Variants in FBXO25 observed in about 807,000 individuals in gnomAD.
FBXO25 encodes F-box only protein 25.
Under a neutral mutation model 51.9 loss-of-function variants are expected in FBXO25, and 45 were observed. The ratio of observed to expected loss-of-function variants is 0.87; its 90% confidence interval spans 0.68 to 1.11. The LOEUF (loss-of-function observed/expected upper bound fraction) is 1.11. Among genes scored for constraint, FBXO25 ranks in the 50% most tolerant of loss-of-function variants. The pLI is 0.00. For missense variants in FBXO25, 507 were observed against 428.5 expected, an observed-to-expected ratio of 1.18 and a Z score of -1.62; for synonymous variants, 199 against 151.0, an observed-to-expected ratio of 1.32 and a Z score of -2.33.
chr8:449,382 G>T (rs1038653940), intron 5 of FBXO25, among the ~76,000 whole-genome samples: 1 of 152,234 alleles, frequency 6.6e-6, no homozygotes, highest in African/African-American at 2.4e-5. Flanking sequence ...TACTTCGTGG[G>T]TTCTGTCACA....
intron 6 of FBXO25, 142 bp downstream of exon 6, chr8:450,225 A>T (rs978179139): frequency 1.9e-6 from 1 of 529,476 alleles, no homozygotes. Flanking sequence ...TCAGAAATAC[A>T]GGTCATCCTT....
At chr8:451,619 A>G (rs921542697) in intron 7 of FBXO25, among the ~76,000 whole-genome samples, 166 bp downstream of exon 7, 7 of 152,230 alleles carry the variant, frequency 4.6e-5, no homozygotes, top group Non-Finnish European at 7.3e-5. Flanking sequence ...AAAGACCCCA[A>G]TGGCTTATAG....
chr8:468,295 G>C, intron 9 of FBXO25: 6 of 1,016,190 alleles, frequency 5.9e-6, no homozygotes, highest in Non-Finnish European at 7.1e-6. Flanking sequence ...ATGAATGGCG[G>C]GTGGAGGGAA....
chr8:445,669 A>T (rs13252052), intron 5 of FBXO25, among the ~76,000 whole-genome samples: 1 of 152,206 alleles, frequency 6.6e-6, no homozygotes, highest in Non-Finnish European at 1.5e-5. Flanking sequence ...CCTGGCCAAC[A>T]TGGTGAAACC....
chr8:467,579 G>C, intron 9 of FBXO25: 2 of 837,008 alleles, frequency 2.4e-6, no homozygotes, highest in East Asian at 2.6e-5. Context: ...TTAGTTACCT[G>C]ATGTTTTTAG....
At chr8:466,008 C>T (rs1325382675) in intron 9 of FBXO25, among the ~76,000 whole-genome samples, 1 of 152,142 alleles carries the variant, frequency 6.6e-6, no homozygotes, top group African/African-American at 2.4e-5. Context: ...TCTCTTAGTT[C>T]TGGGAGGTTC....
intron 9 of FBXO25, among the ~76,000 whole-genome samples, chr8:467,259 C>T (rs1270698068): frequency 6.6e-6 from 1 of 152,160 alleles, no homozygotes; most frequent in Non-Finnish European, 1.5e-5. Context: ...GGCTTAAGGG[C>T]ATGTGTGGAA....
intron 2 of FBXO25, among the ~76,000 whole-genome samples, chr8:424,867 A>G (rs550507475): frequency 3.3e-5 from 5 of 152,110 alleles, no homozygotes; most frequent in Non-Finnish European, 5.9e-5. Flanking sequence ...TTCCATATGA[A>G]TTTTAGGATA....
chr8:418,330 G>GTTGTTTTTTTT (rs1796934500), intron 2 of FBXO25, among the ~76,000 whole-genome samples: 1 of 104,612 alleles, frequency 9.6e-6, no homozygotes. Flanking sequence ...TCGTTTGTTT[G>GTTGTTTTTTTT]TTCTTTTTTT....
At chr8:431,101 A>G (rs1797793782) in intron 2 of FBXO25, among the ~76,000 whole-genome samples, 1 of 152,216 alleles carries the variant, frequency 6.6e-6, no homozygotes, top group South Asian at 2.1e-4. Context: ...ACTACCTTGG[A>G]TAAGTATATC....
intron 9 of FBXO25, among the ~76,000 whole-genome samples, chr8:464,368 A>G (rs200070637): frequency 6.6e-6 from 1 of 152,198 alleles, no homozygotes; most frequent in African/African-American, 2.4e-5. Context: ...TGGGGGAAAA[A>G]AAATGTTGAA....
chr8:456,317 C>T (rs1426711449), intron 7 of FBXO25, among the ~76,000 whole-genome samples: 1 of 152,188 alleles, frequency 6.6e-6, no homozygotes, highest in Non-Finnish European at 1.5e-5. Flanking sequence ...TCAGGTGATC[C>T]TCCCACCTCA....
intron 5 of FBXO25, among the ~76,000 whole-genome samples, chr8:447,722 T>C (rs907345642): frequency 7.2e-5 from 11 of 152,188 alleles, no homozygotes; most frequent in Admixed American, 3.3e-4. Context: ...CTTATACATA[T>C]TACCTGAAGG....
intron 1 of FBXO25, among the ~76,000 whole-genome samples, chr8:411,401 C>T (rs977086200): frequency 3.9e-5 from 6 of 152,088 alleles, no homozygotes; most frequent in African/African-American, 1.4e-4. Context: ...CTGCCGATCC[C>T]TTAAATGGTG....
intron 5 of FBXO25, among the ~76,000 whole-genome samples, chr8:436,788 C>G (rs911008565): frequency 1.3e-5 from 2 of 152,192 alleles, no homozygotes; most frequent in African/African-American, 4.8e-5. Context: ...CCATGTAGCT[C>G]TCTGATAGTT....
At chr8:434,155 C>G (rs966525986) in intron 4 of FBXO25, among the ~76,000 whole-genome samples, 2 of 152,124 alleles carry the variant, frequency 1.3e-5, no homozygotes, top group African/African-American at 4.8e-5. Context: ...TGCTGGTGTC[C>G]CTGCACCACG....
chr8:460,447 A>C (rs568888497), intron 8 of FBXO25, among the ~76,000 whole-genome samples: 27 of 152,188 alleles, frequency 1.8e-4, no homozygotes, highest in Non-Finnish European at 3.7e-4. Flanking sequence ...ACTAACATTA[A>C]GGCCCTGAAA....
Position 413,206 on chromosome 8 carries a change from C to T in FBXO25, c.127C>T (p.His43Tyr), listed in dbSNP as rs772614978. ...AGAGAATAACCGTTGTAACATCAGT[C>T]ACAGCATGTAAGTTACAGCTGAGCA... is the stretch of plus-strand genomic sequence containing the variant. ...ERENNRCNISHSIILNSEDGE... is the reference protein window; with the variant it reads ...ERENNRCNISYSIILNSEDGE... Residue 43 changes from histidine to tyrosine, a missense_variant, in exon 2 of 10, where the codon CAC (histidine) becomes TAC (tyrosine). By Grantham distance (83) the His-to-Tyr change is moderately conservative. Coordinates refer to ENST00000350302, the MANE Select transcript of FBXO25 (RefSeq NM_183420.2). 4 of 1,592,104 alleles carry T rather than the reference C, an allele frequency of 2.5e-6. No individual in the cohort carries two copies. The African/African-American group carries it at 5.5e-5, about 22-fold the overall frequency.
intron 8 of FBXO25, among the ~76,000 whole-genome samples, chr8:461,355 G>A (rs1031511228): frequency 6.6e-6 from 1 of 152,226 alleles, no homozygotes; most frequent in Non-Finnish European, 1.5e-5. Flanking sequence ...CTCACAGTTT[G>A]ATGTGGCTGG....
Sources: gnomAD v4.1 joint callset for allele counts (sites outside exome capture counted in the v4.1 genomes callset) on GRCh38, gnomAD v4.1.1 for gene constraint, MANE v1.5 for transcripts, NCBI Gene and HGNC (gene_info 2026-07-23, HGNC 2026-07-21) for gene names.